The following DKK2 variants were observed in gnomAD, a reference collection of about 807,000 sequenced individuals.
The protein encoded by DKK2 is dickkopf Wnt signaling pathway inhibitor 2.
In DKK2, 11 loss-of-function variants were observed where a neutral mutation model predicts 28.1. The ratio of observed to expected loss-of-function variants is 0.39; its 90% CI spans 0.25 to 0.65. DKK2 has a LOEUF of 0.65. DKK2 is among the 30% of genes least tolerant of loss of function. The pLI is 0.47. For synonymous variants in DKK2, 135 were observed against 126.5 expected, an observed-to-expected ratio of 1.07 and a Z score of -0.45; for missense variants, 326 against 335.5, an observed-to-expected ratio of 0.97 and a Z score of 0.22.
intron 1 of DKK2, among the ~76,000 whole-genome samples, chr4:107,004,179 C>A (rs191653646): frequency 2.6e-5 from 4 of 152,286 alleles, no homozygotes; most frequent in African/African-American, 9.6e-5. Context: ...TATGAATATG[C>A]TAGCATTACT....
rs1410812255 is a variant in DKK2, at chr4:106,924,531, A to G, written c.529+14T>C. On this transcript the variant is annotated intron_variant, in intron 3 of 3. Transcript: ENST00000285311. ...TTTATTTTAAAAAAACCCCAGAACTACAGATATCCCTACCTTTTATATGTG... is the reference window on the plus strand; with the variant it reads ...TTTATTTTAAAAAAACCCCAGAACTGCAGATATCCCTACCTTTTATATGTG... 5 of 1,611,412 alleles carry G rather than the reference A, an allele frequency of 3.1e-6. No homozygotes were observed. The highest frequency in any genetic ancestry group is 4.2e-6 in the Non-Finnish European group (5 of 1,178,628).
intron 1 of DKK2, among the ~76,000 whole-genome samples, chr4:106,956,738 T>C (rs1226752968): frequency 6.6e-6 from 1 of 151,756 alleles, no homozygotes; most frequent in Non-Finnish European, 1.5e-5. Flanking sequence ...TTACACCTTA[T>C]ACAAAAATTA....
At chr4:106,949,685 CT>C (rs1472698122) in intron 1 of DKK2, among the ~76,000 whole-genome samples, 7 of 152,064 alleles carry the variant, frequency 4.6e-5, no homozygotes, top group African/African-American at 1.7e-4. Flanking sequence ...AGGAAATCAG[CT>C]TTAAATAGTC....
At chr4:106,996,994 G>A (rs1008450349) in intron 1 of DKK2, among the ~76,000 whole-genome samples, 2 of 152,066 alleles carry the variant, frequency 1.3e-5, no homozygotes, top group Non-Finnish European at 2.9e-5. Flanking sequence ...ACTCTCAAAT[G>A]TTAAGGATTA....
intron 1 of DKK2, among the ~76,000 whole-genome samples, chr4:106,951,486 T>C (rs1560578449): frequency 6.6e-6 from 1 of 152,130 alleles, no homozygotes; most frequent in African/African-American, 2.4e-5. Flanking sequence ...ATAGACACAA[T>C]GCAATACTAT....
intron 1 of DKK2, among the ~76,000 whole-genome samples, chr4:107,021,774 T>C (rs1168937474): frequency 3.3e-5 from 5 of 152,090 alleles, no homozygotes; most frequent in Non-Finnish European, 5.9e-5. Context: ...CAAACTTCAA[T>C]TTCTCCTACA....
At chr4:106,961,016 C>T (rs1722677904) in intron 1 of DKK2, among the ~76,000 whole-genome samples, 1 of 152,090 alleles carries the variant, frequency 6.6e-6, no homozygotes, top group African/African-American at 2.4e-5. Flanking sequence ...CAAGCATTCG[C>T]TCTTTCTCTT....
chr4:107,024,935 A>G (rs762541309), intron 1 of DKK2, among the ~76,000 whole-genome samples: 5 of 152,246 alleles, frequency 3.3e-5, no homozygotes, highest in African/African-American at 4.8e-5. Flanking sequence ...TGCACAAGGC[A>G]TATACCCAGA....
At chr4:106,953,328 G>T (rs1304980709) in intron 1 of DKK2, among the ~76,000 whole-genome samples, 2 of 152,082 alleles carry the variant, frequency 1.3e-5, no homozygotes, top group Non-Finnish European at 2.9e-5. Context: ...TTTCTCTATA[G>T]AAATAAAACA....
chr4:107,004,601 C>T (rs1031182866), intron 1 of DKK2, among the ~76,000 whole-genome samples: 1 of 152,032 alleles, frequency 6.6e-6, no homozygotes, highest in Non-Finnish European at 1.5e-5. Flanking sequence ...AAAATAATTG[C>T]CTAAAGGTCA....
rs893494194 is a variant in DKK2 at position 106,922,465 on chromosome 4, A to G, written c.*1489T>C. 2 of 152,216 alleles carry G rather than the reference A, an allele frequency of 1.3e-5. No individual in the cohort carries two copies. Among genetic ancestry groups the G allele is most frequent in the East Asian group, 3.9e-4 (2 of 5,194 alleles). The allele number at this position is 152,216 out of a possible 1,614,324, so 9.4% of individuals were successfully genotyped here. On this transcript the variant is annotated 3_prime_UTR_variant, in exon 4 of 4. Transcript: ENST00000285311. ...TGGTGTCTATAGATTAGCAATATGCAGGTTTTACAAGTTATCCTACTTATA... is the reference window on the plus strand; with the variant it reads ...TGGTGTCTATAGATTAGCAATATGCGGGTTTTACAAGTTATCCTACTTATA...
chr4:106,925,956 T>A lies in DKK2; in HGVS notation c.223-7A>T. ...CACTGCTACAAGGGTAGGCCTGTCA[T>A]CAAGTGGAACAACACCAGAAGTAAA... On this transcript the variant is annotated splice_region_variant and splice_polypyrimidine_tract_variant and intron_variant, in intron 1 of 3. Transcript: ENST00000285311. The A allele has an allele frequency of 1.3e-6, 2 of 1,597,658 alleles. No individual in the cohort carries two copies. Among genetic ancestry groups the A allele is most frequent in the Non-Finnish European group, 1.7e-6 (2 of 1,174,686 alleles).
chr4:107,000,195 G>A (rs1472971505), intron 1 of DKK2, among the ~76,000 whole-genome samples: 1 of 152,090 alleles, frequency 6.6e-6, no homozygotes, highest in Non-Finnish European at 1.5e-5. Context: ...AAAAGTCTTA[G>A]TCCTTGGTCA....
intron 1 of DKK2, among the ~76,000 whole-genome samples, chr4:107,016,622 G>A (rs76408350): frequency 0.024 from 3,596 of 151,844 alleles, 48 homozygotes; most frequent in Middle Eastern, 0.037. Context: ...CTATTTTTCT[G>A]TAAGGTACTA....
At chr4:106,995,543 T>C (rs1723258803) in intron 1 of DKK2, among the ~76,000 whole-genome samples, 1 of 152,156 alleles carries the variant, frequency 6.6e-6, no homozygotes, top group Admixed American at 6.6e-5. Flanking sequence ...TCTTACATAA[T>C]GTAGGAGGAA....
intron 1 of DKK2, among the ~76,000 whole-genome samples, chr4:106,989,701 C>T (rs1275742536): frequency 2.6e-5 from 4 of 152,080 alleles, no homozygotes; most frequent in Admixed American, 6.6e-5. Context: ...ATTTAGCTCA[C>T]AAGGAATAAA....
chr4:107,026,431 T>C (rs1560594759), intron 1 of DKK2, among the ~76,000 whole-genome samples: 1 of 152,218 alleles, frequency 6.6e-6, no homozygotes, highest in African/African-American at 2.4e-5. Flanking sequence ...TTGTGCATAT[T>C]ATATTAACAT....
chr4:106,958,345 A>T (rs1722633202), intron 1 of DKK2, among the ~76,000 whole-genome samples: 1 of 152,074 alleles, frequency 6.6e-6, no homozygotes, highest in Non-Finnish European at 1.5e-5. Context: ...AATTTACAAG[A>T]TTCGCACCCA....
chr4:107,021,797 A>G (rs1392240173), intron 1 of DKK2, among the ~76,000 whole-genome samples: 3 of 151,882 alleles, frequency 2.0e-5, no homozygotes, highest in Admixed American at 1.3e-4. Context: ...ATTTGGGGGG[A>G]AAAACAGACA....
Sources: gnomAD v4.1 joint callset for allele counts (sites outside exome capture counted in the v4.1 genomes callset) on GRCh38, gnomAD v4.1.1 for gene constraint, MANE v1.5 for transcripts, NCBI Gene and HGNC (gene_info 2026-07-23, HGNC 2026-07-21) for gene names.